Variants in PRPSAP1 observed in about 807,000 individuals in gnomAD.
PRPSAP1 encodes the protein phosphoribosyl pyrophosphate synthase-associated protein 1.
In PRPSAP1, 31 loss-of-function variants were observed where a neutral mutation model predicts 39.4. The observed-to-expected ratio is 0.79, with a 90% CI of 0.59 to 1.06. The LOEUF is 1.06. Among genes scored for constraint, PRPSAP1 ranks in the 50% least tolerant of loss-of-function variants. The pLI, the probability that PRPSAP1 is intolerant of heterozygous loss-of-function variation, is 0.00. For synonymous variants in PRPSAP1, 212 were observed against 192.6 expected (o/e 1.10, Z -0.83); for missense variants, 430 against 511.6 (o/e 0.84, Z 1.54).
chr17:76,321,195 G>A (rs1341710239), intron 7 of PRPSAP1, among the ~76,000 whole-genome samples: 5 of 152,064 alleles, frequency 3.3e-5, no homozygotes, highest in Non-Finnish European at 5.9e-5. Context: ...TCTGGTATCT[G>A]TAATCAGTGA....
At chr17:76,349,765 AAAT>A (rs1205353467) in intron 1 of PRPSAP1, among the ~76,000 whole-genome samples, 2 of 152,084 alleles carry the variant, frequency 1.3e-5, no homozygotes, top group East Asian at 3.9e-4. Flanking sequence ...CCATCTCAAA[AAAT>A]AATAATAAAA....
intron 3 of PRPSAP1, among the ~76,000 whole-genome samples, chr17:76,334,233 C>T (rs538023255): frequency 1.8e-4 from 28 of 152,332 alleles, no homozygotes; most frequent in African/African-American, 6.5e-4. Context: ...CCCACGTCAT[C>T]AGTTCCTACC....
intron 3 of PRPSAP1, 24 bp from the exon 4 acceptor site, chr17:76,332,459 TG>T (rs1428068865): frequency 6.2e-7 from 1 of 1,612,292 alleles, no homozygotes; most frequent in South Asian, 1.1e-5. Flanking sequence ...AGTTTGTATT[TG>T]GGGATTAATT....
intron 3 of PRPSAP1, among the ~76,000 whole-genome samples, chr17:76,339,068 T>G (rs1432123758): frequency 6.6e-6 from 1 of 151,486 alleles, no homozygotes; most frequent in African/African-American, 2.4e-5. Flanking sequence ...TTATCTGTGT[T>G]CTTTAGTTGG....
At chr17:76,327,704 TTTGA>T (rs2071268835) in intron 7 of PRPSAP1, among the ~76,000 whole-genome samples, 1 of 152,164 alleles carries the variant, frequency 6.6e-6, no homozygotes, top group Non-Finnish European at 1.5e-5. Context: ...AAGCCTGGTA[TTTGA>T]TCAACAGCTG....
intron 6 of PRPSAP1, 54 bp downstream of exon 6, chr17:76,329,989 T>G: frequency 6.5e-7 from 1 of 1,544,934 alleles, no homozygotes; most frequent in South Asian, 1.1e-5. Flanking sequence ...AAGCAGCTCA[T>G]TCTGACTTCG....
chr17:76,327,765 CACAT>C (rs2071269307), intron 7 of PRPSAP1, among the ~76,000 whole-genome samples: 1 of 152,056 alleles, frequency 6.6e-6, no homozygotes, highest in South Asian at 2.1e-4. Flanking sequence ...CACACCATCA[CACAT>C]ACAACTTTTT....
chr17:76,343,527 AC>A (rs1289827110), intron 3 of PRPSAP1, among the ~76,000 whole-genome samples: 3 of 152,108 alleles, frequency 2.0e-5, no homozygotes, highest in Non-Finnish European at 4.4e-5. Flanking sequence ...CCATGGGAAA[AC>A]CCTTTGTCCT....
chr17:76,336,198 G>A (rs2071376368), intron 3 of PRPSAP1, among the ~76,000 whole-genome samples: 1 of 152,194 alleles, frequency 6.6e-6, no homozygotes, highest in South Asian at 2.1e-4. Context: ...AGTAATCCGA[G>A]AGGCCAAGAC....
intron 3 of PRPSAP1, among the ~76,000 whole-genome samples, chr17:76,344,048 A>T (rs527574219): frequency 1.5e-4 from 22 of 147,262 alleles, no homozygotes; most frequent in African/African-American, 5.6e-4. Flanking sequence ...GGGTTCAAGC[A>T]CTTCTCCTGC....
chr17:76,352,619 T>C (rs1199346699), intron 1 of PRPSAP1, among the ~76,000 whole-genome samples: 1 of 118,222 alleles, frequency 8.5e-6, no homozygotes, highest in Non-Finnish European at 1.6e-5. Context: ...CACTCCAGCC[T>C]GGGTGACAGA....
intron 4 of PRPSAP1, among the ~76,000 whole-genome samples, chr17:76,331,847 G>A (rs1467613482): frequency 6.6e-6 from 1 of 152,102 alleles, no homozygotes; most frequent in Admixed American, 6.6e-5. Context: ...GAGCCACTAT[G>A]TAGAAAGGCA....
chr17:76,328,721 C>G lies in PRPSAP1; in HGVS notation c.777G>C (p.Leu259Phe). The G allele has an allele frequency of 6.2e-7, 1 of 1,613,346 alleles. No individual in the cohort carries two copies. Among genetic ancestry groups the G allele is most frequent in the Non-Finnish European group, 8.5e-7 (1 of 1,179,812 alleles). Residue 259 changes from leucine (L) to phenylalanine (F), a missense_variant, in exon 7 of 10, where the codon TTG becomes TTC. Around this residue, in one of 2 missense-constraint regions of PRPSAP1, gnomAD observed 278 missense variants for 376.3 expected, o/e 0.74. Transcript: ENST00000446526. ...KNATVHPGLELPLMMAKEKPP... is the reference protein window; with the variant it reads ...KNATVHPGLEFPLMMAKEKPP... ...AAAACACAGAGCTCATCTTACATGG[C>G]AACTCCAGGCCTGGGTGCACAGTAG...
At chr17:76,328,632 A>G in intron 7 of PRPSAP1, 85 bp downstream of exon 7, 2 of 1,470,718 alleles carry the variant, frequency 1.4e-6, no homozygotes, top group Non-Finnish European at 1.8e-6. Context: ...AACAAAACAA[A>G]ACAACAACAA....
intron 3 of PRPSAP1, among the ~76,000 whole-genome samples, chr17:76,339,150 A>G (rs1452593535): frequency 1.3e-5 from 2 of 152,108 alleles, no homozygotes; most frequent in Admixed American, 6.6e-5. Flanking sequence ...CACGTCTATA[A>G]TCTCAGCACT....
chr17:76,344,592 T>C, intron 3 of PRPSAP1, 79 bp downstream of exon 3: 1 of 1,217,314 alleles, frequency 8.2e-7, no homozygotes, highest in Non-Finnish European at 1.2e-6. Flanking sequence ...AAACACTAAG[T>C]TGTTGTTCAT....
At chr17:76,319,660 G>A (rs1011183626) in intron 7 of PRPSAP1, among the ~76,000 whole-genome samples, 1 of 151,506 alleles carries the variant, frequency 6.6e-6, no homozygotes, top group Non-Finnish European at 1.5e-5. Context: ...GTAGAGACGG[G>A]GTTTCACCGT....
intron 9 of PRPSAP1, among the ~76,000 whole-genome samples, chr17:76,312,598 TAA>T (rs757744183): frequency 1.1e-4 from 17 of 152,304 alleles, no homozygotes; most frequent in Middle Eastern, 3.4e-3. Flanking sequence ...TATTTTAAAA[TAA>T]AGTGTCTCAA....
intron 7 of PRPSAP1, among the ~76,000 whole-genome samples, chr17:76,322,767 C>A (rs2071211908): frequency 6.6e-6 from 1 of 152,102 alleles, no homozygotes; most frequent in Non-Finnish European, 1.5e-5. Context: ...GGGTTGACTG[C>A]TTGAGCCCAG....
Sources: allele counts gnomAD v4.1 joint callset (sites outside exome capture counted in the v4.1 genomes callset), GRCh38; gene constraint gnomAD v4.1.1; regional missense constraint gnomAD v4.1.1; transcripts MANE v1.5; gene names NCBI Gene and HGNC (gene_info 2026-07-23, HGNC 2026-07-21).